The following CNTNAP5 variants were observed in gnomAD, a reference collection of about 807,000 sequenced individuals.
The protein encoded by CNTNAP5 is contactin associated protein family member 5.
CNTNAP5 carries 72 observed loss-of-function variants against 150.2 expected under a neutral mutation model. The ratio of observed to expected loss-of-function variants is 0.48; its 90% CI spans 0.40 to 0.58. CNTNAP5 has a LOEUF of 0.58. Among genes scored for constraint, CNTNAP5 ranks in the 20% least tolerant of loss-of-function variants. The probability of loss-of-function intolerance (pLI) is 0.00; values close to 1 mark genes in which losing one functional copy is unlikely to be tolerated. For missense variants in CNTNAP5, 1,636 were observed against 1,626.2 expected (o/e 1.01, Z -0.10); for synonymous variants, 672 against 619.8 (o/e 1.08, Z -1.25).
intron 10 of CNTNAP5, among the ~76,000 whole-genome samples, chr2:124,559,942 A>T (rs1255379415): frequency 6.6e-6 from 1 of 152,144 alleles, no homozygotes; most frequent in African/African-American, 2.4e-5. Context: ...ATTCTGGGAA[A>T]ACTAGATTTT....
At chr2:124,746,122 T>C (rs1344142924) in intron 13 of CNTNAP5, among the ~76,000 whole-genome samples, 1 of 152,212 alleles carries the variant, frequency 6.6e-6, no homozygotes, top group African/African-American at 2.4e-5. Context: ...AAATATTTCT[T>C]TCATTTTTTA....
chr2:124,458,460 C>A (rs1477702670), intron 6 of CNTNAP5, among the ~76,000 whole-genome samples: 1 of 151,546 alleles, frequency 6.6e-6, no homozygotes, highest in Non-Finnish European at 1.5e-5. Context: ...TATGTGGTTG[C>A]TAAGCTATGA....
chr2:124,605,834 G>A (rs111704943), intron 11 of CNTNAP5, among the ~76,000 whole-genome samples: 7,847 of 65,698 alleles, frequency 0.12, 442 homozygotes, highest in Non-Finnish European at 0.15. Context: ...AAAAAAAAAA[G>A]AAGGAAAGAA....
intron 11 of CNTNAP5, among the ~76,000 whole-genome samples, chr2:124,600,101 G>A (rs1385615783): frequency 6.6e-6 from 1 of 152,148 alleles, no homozygotes; most frequent in African/African-American, 2.4e-5. Context: ...AAACAAAAGT[G>A]TATGCTTGTA....
rs140492957 is a variant in CNTNAP5 at position 124,324,805 on chromosome 2, C to T, written c.381+82412C>T. Reference sequence around the variant, plus strand: ...GAAGAGAAAGAGGAAGTTAGCTTTTCGACAATGGAAAAGGGGCATTTTATA... The same window carrying T: ...GAAGAGAAAGAGGAAGTTAGCTTTTTGACAATGGAAAAGGGGCATTTTATA... On this transcript the variant is annotated intron_variant, in intron 3 of 23. Transcript: ENST00000682447. Among the ~76,000 whole-genome samples, 894 of 152,110 alleles carry T rather than the reference C, an allele frequency of 5.9e-3. 8 individuals are homozygous for T. The highest frequency in any genetic ancestry group is 6.9e-3 in the Non-Finnish European group (472 of 68,002).
intron 7 of CNTNAP5, among the ~76,000 whole-genome samples, chr2:124,476,532 T>C (rs1693644695): frequency 6.6e-6 from 1 of 152,164 alleles, no homozygotes; most frequent in Non-Finnish European, 1.5e-5. Flanking sequence ...AGACTGCTCC[T>C]GCAGGGGATG....
chr2:124,599,882 G>T (rs972012669), intron 11 of CNTNAP5, among the ~76,000 whole-genome samples: 2 of 151,588 alleles, frequency 1.3e-5, no homozygotes, highest in African/African-American at 4.9e-5. Context: ...GGAACAGGTC[G>T]ATTTAAATTT....
chr2:124,325,852 C>T (rs976964728), intron 3 of CNTNAP5, among the ~76,000 whole-genome samples: 2 of 152,142 alleles, frequency 1.3e-5, no homozygotes, highest in South Asian at 2.1e-4. Flanking sequence ...TGACTATAGA[C>T]CTCCACTAGG....
chr2:124,749,586 G>T (rs1235986123), intron 14 of CNTNAP5, among the ~76,000 whole-genome samples: 5 of 152,018 alleles, frequency 3.3e-5, no homozygotes, highest in Admixed American at 3.3e-4. Context: ...ACCACGCCTA[G>T]CTAAGGTTTA....
intron 3 of CNTNAP5, among the ~76,000 whole-genome samples, chr2:124,248,698 C>A (rs1013563745): frequency 6.6e-6 from 1 of 152,184 alleles, no homozygotes; most frequent in Non-Finnish European, 1.5e-5. Context: ...GGCCTAACCT[C>A]TTTAAGGAGT....
chr2:124,264,842 C>T (rs114791315), intron 3 of CNTNAP5, among the ~76,000 whole-genome samples: 3 of 152,162 alleles, frequency 2.0e-5, no homozygotes, highest in East Asian at 1.9e-4. Context: ...TGCTACTATG[C>T]GTGTCTACTT....
intron 13 of CNTNAP5, among the ~76,000 whole-genome samples, chr2:124,746,736 AT>A (rs1164568795): frequency 2.0e-5 from 3 of 152,082 alleles, no homozygotes; most frequent in African/African-American, 7.2e-5. Context: ...TAGTGCTCTC[AT>A]TTTCTCTTTG....
Position 124,221,715 on chromosome 2 carries a change from T to G in CNTNAP5, c.93T>G (p.Asp31Glu). The G allele has an allele frequency of 6.2e-7, 1 of 1,608,010 alleles. No individual in the cohort carries two copies. Among genetic ancestry groups the G allele is most frequent in the Middle Eastern group, 1.7e-4 (1 of 6,046 alleles). ...CTCCTATCATTATAGACAACTGTGA[T>G]GATCCACTAGCATCCCTGCTCTCTC... ...LGLTATNYNC[D>E]DPLASLLSPM... The change falls in exon 2 of 24, where the codon GAT becomes GAG. Residue 31 changes from aspartate (D) to glutamate (E), a missense_variant. Asp to Glu is a conservative substitution (Grantham distance 45, BLOSUM62 2). Coordinates refer to ENST00000682447, the MANE Select transcript of CNTNAP5 (RefSeq NM_001367498.1).
chr2:124,028,139 C>A (rs756286801), intron 1 of CNTNAP5, among the ~76,000 whole-genome samples: 9 of 152,042 alleles, frequency 5.9e-5, no homozygotes, highest in Non-Finnish European at 1.0e-4. Flanking sequence ...AGTAATATGT[C>A]GTGACATTTG....
At chr2:124,605,218 C>G (rs1360227447) in intron 11 of CNTNAP5, among the ~76,000 whole-genome samples, 1 of 152,226 alleles carries the variant, frequency 6.6e-6, no homozygotes, top group Non-Finnish European at 1.5e-5. Flanking sequence ...CAGCCAATCC[C>G]AGACTAAATG....
chr2:124,392,687 CA>C (rs35107442), intron 3 of CNTNAP5, among the ~76,000 whole-genome samples: 7,002 of 68,924 alleles, frequency 0.1, 56 homozygotes, highest in South Asian at 0.13. Context: ...TTTTCTTTGC[CA>C]AAAAAAAAAA....
intron 22 of CNTNAP5, among the ~76,000 whole-genome samples, chr2:124,903,498 C>A (rs1678457167): frequency 6.6e-6 from 1 of 151,918 alleles, no homozygotes; most frequent in Non-Finnish European, 1.5e-5. Flanking sequence ...TTAAAATAAA[C>A]CTTTTTTAGC....
intron 3 of CNTNAP5, among the ~76,000 whole-genome samples, chr2:124,351,772 T>C (rs114863694): frequency 0.044 from 6,763 of 152,220 alleles, 218 homozygotes; most frequent in Non-Finnish European, 0.07. Context: ...TACTTGGGAA[T>C]AAAAGGAGAT....
At chr2:124,239,694 A>T (rs1261793988) in intron 2 of CNTNAP5, among the ~76,000 whole-genome samples, 6 of 149,220 alleles carry the variant, frequency 4.0e-5, no homozygotes, top group Non-Finnish European at 6.0e-5. Flanking sequence ...TTTCAACAAC[A>T]TTTTTTTTTT....
Sources: gnomAD v4.1 joint callset for allele counts (sites outside exome capture counted in the v4.1 genomes callset) on GRCh38, gnomAD v4.1.1 for gene constraint, MANE v1.5 for transcripts, NCBI Gene and HGNC (gene_info 2026-07-23, HGNC 2026-07-21) for gene names.